The following CPNE4 variants were observed in gnomAD, a reference collection of about 807,000 sequenced individuals.
The protein encoded by CPNE4 is copine 4, also known as copine-4.
CPNE4 carries 25 observed loss-of-function variants against 67.9 expected under a neutral mutation model. The ratio of observed to expected loss-of-function variants is 0.37; its 90% CI spans 0.27 to 0.51. The LOEUF is 0.51. Among genes scored for constraint, CPNE4 ranks in the 20% least tolerant of loss-of-function variants. The pLI is 0.93. For missense variants in CPNE4, 464 were observed against 690.8 expected (o/e 0.67, Z 3.68); for synonymous variants, 242 against 244.9 (o/e 0.99, Z 0.11).
At chr3:131,776,961 C>T (rs781456911) in intron 2 of CPNE4, among the ~76,000 whole-genome samples, 3 of 152,096 alleles carry the variant, frequency 2.0e-5, no homozygotes, top group Non-Finnish European at 4.4e-5. Flanking sequence ...ATATCAGTTA[C>T]TGCTACTCCT....
At chr3:132,022,348 A>C (rs1385497668) in intron 1 of CPNE4, among the ~76,000 whole-genome samples, 1 of 152,230 alleles carries the variant, frequency 6.6e-6, no homozygotes. Flanking sequence ...CCATTGAGTC[A>C]AAATTTGAGA....
At chr3:131,567,982 G>A (rs905450336) in intron 10 of CPNE4, among the ~76,000 whole-genome samples, 27 of 151,896 alleles carry the variant, frequency 1.8e-4, no homozygotes, top group Admixed American at 7.9e-4. Flanking sequence ...TGGCCCCTAC[G>A]TCTATGACAA....
At chr3:131,967,381 G>A (rs1027069846) in intron 1 of CPNE4, among the ~76,000 whole-genome samples, 2 of 152,094 alleles carry the variant, frequency 1.3e-5, no homozygotes, top group African/African-American at 2.4e-5. Context: ...AGGGCAATCA[G>A]GCAAGAGAAA....
intron 7 of CPNE4, among the ~76,000 whole-genome samples, chr3:131,630,125 G>A (rs2079182206): frequency 6.6e-6 from 1 of 152,196 alleles, no homozygotes; most frequent in Non-Finnish European, 1.5e-5. Flanking sequence ...GTTCTGAGTA[G>A]CATGATGAAA....
chr3:132,015,586 G>A (rs879064309), intron 1 of CPNE4, among the ~76,000 whole-genome samples: 3 of 152,008 alleles, frequency 2.0e-5, no homozygotes, highest in African/African-American at 7.2e-5. Context: ...TCAATAATCA[G>A]TCAAAACGTA....
intron 2 of CPNE4, among the ~76,000 whole-genome samples, chr3:131,827,876 T>G (rs2107986513): frequency 6.6e-6 from 1 of 152,130 alleles, no homozygotes; most frequent in Non-Finnish European, 1.5e-5. Flanking sequence ...GTACCTTGTA[T>G]GATTTTCCTA....
At chr3:131,873,601 T>C (rs1453487951) in intron 2 of CPNE4, among the ~76,000 whole-genome samples, 1 of 152,222 alleles carries the variant, frequency 6.6e-6, no homozygotes, top group Non-Finnish European at 1.5e-5. Flanking sequence ...TTAGCACATC[T>C]TTTTGCCTAG....
chr3:131,905,887 G>A (rs542158100), intron 1 of CPNE4, among the ~76,000 whole-genome samples: 1 of 152,158 alleles, frequency 6.6e-6, no homozygotes, highest in Admixed American at 6.5e-5. Flanking sequence ...GCATGGAGAA[G>A]TATATTGTTC....
At chr3:132,031,145 A>G (rs1231143069) in intron 1 of CPNE4, among the ~76,000 whole-genome samples, 1 of 152,200 alleles carries the variant, frequency 6.6e-6, no homozygotes, top group Non-Finnish European at 1.5e-5. Context: ...GAGAAAGGCA[A>G]CTGTATTATT....
At chr3:132,003,695 A>T (rs2073514963) in intron 1 of CPNE4, among the ~76,000 whole-genome samples, 1 of 152,122 alleles carries the variant, frequency 6.6e-6, no homozygotes, top group Admixed American at 6.6e-5. Flanking sequence ...TCATAATGCC[A>T]TCTTTTTAGT....
chr3:132,029,095 A>C (rs1206759153), intron 1 of CPNE4, among the ~76,000 whole-genome samples: 1 of 152,152 alleles, frequency 6.6e-6, no homozygotes, highest in Admixed American at 6.5e-5. Context: ...TGATTCACCC[A>C]AATGCCTGGA....
chr3:131,895,093 G>A (rs1583417078), intron 2 of CPNE4, among the ~76,000 whole-genome samples: 1 of 152,046 alleles, frequency 6.6e-6, no homozygotes, highest in Admixed American at 6.6e-5. Context: ...TTCATATTAA[G>A]TGAAATAAGC....
At chr3:131,920,781 C>T (rs2070721644) in intron 1 of CPNE4, among the ~76,000 whole-genome samples, 1 of 152,058 alleles carries the variant, frequency 6.6e-6, no homozygotes, top group Non-Finnish European at 1.5e-5. Context: ...AAATGTTCAT[C>T]ATTTGTTTGT....
intron 1 of CPNE4, among the ~76,000 whole-genome samples, chr3:131,919,282 T>C (rs1200688051): frequency 6.6e-6 from 1 of 152,056 alleles, no homozygotes; most frequent in Non-Finnish European, 1.5e-5. Context: ...AATGAGTAAA[T>C]TAGAAATAAC....
At chr3:131,780,108 T>C (rs2083395652) in intron 2 of CPNE4, among the ~76,000 whole-genome samples, 2 of 152,124 alleles carry the variant, frequency 1.3e-5, no homozygotes, top group South Asian at 4.1e-4. Flanking sequence ...ATTAGGGGAA[T>C]GCAAATCAAA....
At chr3:131,979,661 G>A (rs562718458) in intron 1 of CPNE4, among the ~76,000 whole-genome samples, 2 of 152,248 alleles carry the variant, frequency 1.3e-5, no homozygotes, top group South Asian at 2.1e-4. Flanking sequence ...TTTAAGTGGA[G>A]CATTTAGGCC....
At chr3:131,657,490 A>C (rs1364954611) in intron 7 of CPNE4, among the ~76,000 whole-genome samples, 1 of 151,798 alleles carries the variant, frequency 6.6e-6, no homozygotes, top group African/African-American at 2.4e-5. Context: ...TGGGAGTCAG[A>C]GATCAGCTTT....
chr3:131,850,728 T>C (rs1309004300), intron 2 of CPNE4, among the ~76,000 whole-genome samples: 1 of 152,124 alleles, frequency 6.6e-6, no homozygotes, highest in South Asian at 2.1e-4. Flanking sequence ...GTGGAGGATA[T>C]GCTGGGTAGT....
At chr3:131,560,778 C>T (rs1936720474) in intron 11 of CPNE4, among the ~76,000 whole-genome samples, 1 of 152,040 alleles carries the variant, frequency 6.6e-6, no homozygotes, top group Non-Finnish European at 1.5e-5. Flanking sequence ...TGGGTCTCAA[C>T]CCTGGATACC....
Sources: gnomAD v4.1 joint callset for allele counts (sites outside exome capture counted in the v4.1 genomes callset) on GRCh38, gnomAD v4.1.1 for gene constraint, MANE v1.5 for transcripts, NCBI Gene and HGNC (gene_info 2026-07-23, HGNC 2026-07-21) for gene names.